PI4KA: variants seen among roughly 807,000 people sequenced by gnomAD.
PI4KA encodes PI4-kinase alpha.
Under a neutral mutation model 271.4 loss-of-function variants are expected in PI4KA, and 122 were observed. The ratio of observed to expected loss-of-function variants is 0.45; its 90% CI spans 0.39 to 0.52. PI4KA has a LOEUF of 0.52. Ranked by LOEUF, PI4KA falls within the 20% of genes least tolerant of loss-of-function variation. PI4KA has a pLI of 0.00. For missense variants in PI4KA, 1,969 were observed against 2,769.1 expected, an observed-to-expected ratio of 0.71 and a Z score of 6.48; for synonymous variants, 1,041 against 1,078.8, an observed-to-expected ratio of 0.96 and a Z score of 0.69.
intron 6 of PI4KA, among the ~76,000 whole-genome samples, chr22:20,819,124 T>C (rs1601564560): frequency 6.6e-6 from 1 of 152,358 alleles, no homozygotes; most frequent in East Asian, 1.9e-4. Context: ...AGCAGATGTT[T>C]AGGGCGAAAC....
Position 20,834,593 on chromosome 22 carries a change from C to T in PI4KA, c.336G>A (p.Trp112Ter). ...CTTTCCGAGCTGTGCTTTCTTCTAC[C>T]CAATACACTTTTGGAAGACCTTTGA... ...RLLKGLPKVY[W>*]VEESTARKGR... is the part of the protein sequence containing the mutation. Residue 112 changes from tryptophan to a stop codon, truncating the protein, a stop_gained, in exon 3 of 55, where the codon TGG becomes TGA. Transcript: ENST00000255882. LOFTEE classifies it high-confidence loss of function. The T allele has an allele frequency of 5.0e-6, 8 of 1,610,186 alleles. No individual in the cohort carries two copies. Among genetic ancestry groups the T allele is most frequent in the Non-Finnish European group, 6.8e-6 (8 of 1,176,540 alleles).
chr22:20,774,584 A>C (rs1601460629), intron 19 of PI4KA, among the ~76,000 whole-genome samples: 1 of 152,148 alleles, frequency 6.6e-6, no homozygotes. Context: ...AACATGGTGA[A>C]GCCAAGTCTC....
At chr22:20,784,132 G>C (rs766864591) in intron 19 of PI4KA, 4 of 1,614,172 alleles carry the variant, frequency 2.5e-6, no homozygotes, top group South Asian at 1.1e-5. Context: ...TGGAATACGT[G>C]GGGGGCATCA....
intron 42 of PI4KA, chr22:20,725,801 G>A (rs1215704572): frequency 6.9e-6 from 2 of 290,296 alleles, no homozygotes; most frequent in African/African-American, 2.2e-5. Flanking sequence ...GAGGGGTAGC[G>A]GGGAAGGTGC....
rs532050128 is a variant in PI4KA at position 20,858,678 on chromosome 22, GCCGCCTCCGCCT to G, written c.36_47del (p.Gly15_Gly18del). ...TGGAGCCGGAGCCGGAGCAGCCGCC[GCCGCCTCCGCCT>G]CCGCCTCCGCCTCCCCGGGCCGGGG... On this transcript the variant is annotated inframe_deletion, in exon 1 of 55. Transcript: ENST00000255882. The G allele has an allele frequency of 1.5e-4, 219 of 1,470,872 alleles. 1 individual carries two copies. Among genetic ancestry groups the G allele is most frequent in the East Asian group, 1.3e-3 (45 of 33,960 alleles). The allele number at this position is 1,470,872 out of a possible 1,614,324, so 91.1% of individuals were successfully genotyped here. A position where few individuals can be genotyped will look rare whatever the true frequency, so the allele number is the denominator to read the frequency against.
At chr22:20,807,215 A>T in intron 10 of PI4KA, 147 bp downstream of exon 10, 1 of 596,838 alleles carries the variant, frequency 1.7e-6, no homozygotes, top group Non-Finnish European at 3.0e-6. Context: ...TTTTTCCCAA[A>T]ATTTCAGTAA....
In PI4KA at chr22:20,753,309, T is replaced by C. The variant is rs370177811; in HGVS notation, c.2792-129A>G. 246 of 795,444 alleles carry C rather than the reference T, an allele frequency of 3.1e-4. 2 individuals carry two copies. The South Asian group carries it at 3.5e-3, about 11-fold the overall frequency. The allele number at this position is 795,444 out of a possible 1,614,324, so 49.3% of individuals were successfully genotyped here. ...GCAAAGACAGCACAGAGCTCCCATATACCCTTCACCTAGCTTCCCTGGATT... is the reference window on the plus strand; with the variant it reads ...GCAAAGACAGCACAGAGCTCCCATACACCCTTCACCTAGCTTCCCTGGATT... On this transcript the variant is annotated intron_variant, in intron 23 of 54. Coordinates refer to ENST00000255882, the MANE Select transcript of PI4KA (RefSeq NM_058004.4).
intron 23 of PI4KA, among the ~76,000 whole-genome samples, chr22:20,759,185 G>A (rs1931670331): frequency 6.6e-6 from 1 of 152,000 alleles, no homozygotes; most frequent in South Asian, 2.1e-4. Context: ...TAGCTAGGAC[G>A]ACAGGCATGT....
intron 10 of PI4KA, 139 bp from the exon 11 acceptor site, chr22:20,805,304 G>A (rs1601537506): frequency 6.6e-6 from 4 of 607,862 alleles, no homozygotes; most frequent in Non-Finnish European, 1.2e-5. Context: ...GTGGGTCCTA[G>A]AATGCCCACT....
At chr22:20,804,057 A>C (rs1935497035) in intron 12 of PI4KA, among the ~76,000 whole-genome samples, 1 of 152,208 alleles carries the variant, frequency 6.6e-6, no homozygotes, top group Non-Finnish European at 1.5e-5. Flanking sequence ...CCAGCCTCAC[A>C]ACAACGGAGA....
intron 44 of PI4KA, 41 bp from the exon 45 acceptor site, chr22:20,717,819 G>A (rs771237100): frequency 9.6e-6 from 14 of 1,462,848 alleles, no homozygotes; most frequent in African/African-American, 2.8e-5. Context: ...TCTCCTGGAG[G>A]AACTGGCTGC....
intron 30 of PI4KA, among the ~76,000 whole-genome samples, chr22:20,743,902 A>C (rs1255383964): frequency 1.3e-5 from 2 of 151,936 alleles, no homozygotes; most frequent in African/African-American, 2.4e-5. Flanking sequence ...AAAATACAAA[A>C]AATTAGCCGG....
At position 20,758,165 on chromosome 22, in the gene PI4KA, A is replaced by G. The variant is rs527582889; in HGVS notation, c.2791+3139T>C. 7.5e-4 allele frequency among the ~76,000 whole-genome samples: 114 copies of G among 151,912 alleles called. 3 individuals are homozygous for G. In the South Asian group the frequency reaches 0.023, roughly 30 times the overall value. Reference sequence around the variant, plus strand: ...CGGATCACGAGGTCAGGAGATCGAGACCATTCTGGCTAACACAGTGAAACC... The same window carrying G: ...CGGATCACGAGGTCAGGAGATCGAGGCCATTCTGGCTAACACAGTGAAACC... On this transcript the variant is annotated intron_variant, in intron 23 of 54. Coordinates refer to ENST00000255882, the MANE Select transcript of PI4KA (RefSeq NM_058004.4).
chr22:20,822,271 TCCCGGGCTCAAGTGATCCTCCTG>T (rs998987468), intron 4 of PI4KA, among the ~76,000 whole-genome samples: 5 of 152,252 alleles, frequency 3.3e-5, no homozygotes, highest in African/African-American at 1.2e-4. Flanking sequence ...AGTCTCAAAT[TCCCGGGCTCAAGTGATCCTCCTG>T]CCTCAGCCTC....
chr22:20,748,750 A>G (rs1930374993), intron 28 of PI4KA, among the ~76,000 whole-genome samples: 1 of 152,232 alleles, frequency 6.6e-6, no homozygotes, highest in Non-Finnish European at 1.5e-5. Context: ...CACTATGACG[A>G]TGAAGAGTGA....
intron 5 of PI4KA, 142 bp downstream of exon 5, chr22:20,820,397 A>C: frequency 3.2e-6 from 2 of 626,078 alleles, no homozygotes; most frequent in Non-Finnish European, 2.8e-6. Flanking sequence ...TGAGGATACT[A>C]ACACACAACA....
At chr22:20,796,012 A>C in intron 18 of PI4KA, 134 bp downstream of exon 18, 1 of 807,714 alleles carries the variant, frequency 1.2e-6, no homozygotes, top group Non-Finnish European at 1.9e-6. Flanking sequence ...ACCCCTTCTT[A>C]CTTGCATTCC....
rs1288761207 is a variant in PI4KA at position 20,824,388 on chromosome 22, T to C, written c.394A>G (p.Ser132Gly). 2 of 1,613,006 alleles carry C rather than the reference T, an allele frequency of 1.2e-6. No homozygotes were observed. Among genetic ancestry groups the C allele is most frequent in the Admixed American group, 3.3e-5 (2 of 59,824 alleles). ...GACAGCAGAGTTACCAAGCAGAAGCTGAAGCTCTCTGCAACCGGGAGGGCA... is the reference window on the plus strand; with the variant it reads ...GACAGCAGAGTTACCAAGCAGAAGCCGAAGCTCTCTGCAACCGGGAGGGCA... ...RGALPVAESF[S>G]FCLVTLLSDV... The change falls in exon 4 of 55, where the codon AGC becomes GGC. Residue 132 changes from serine to glycine, a missense_variant. This residue lies in a region of PI4KA where 540 missense variants were observed against 555.5 expected (regional missense o/e 0.97). Coordinates refer to ENST00000255882, the MANE Select transcript of PI4KA (RefSeq NM_058004.4).
intron 36 of PI4KA, among the ~76,000 whole-genome samples, chr22:20,732,093 A>G (rs1362677753): frequency 5.4e-5 from 8 of 147,056 alleles, no homozygotes; most frequent in Non-Finnish European, 3.0e-5. Context: ...AGAATGGCAC[A>G]TACCCGGGAG....
Sources: allele counts gnomAD v4.1 joint callset (sites outside exome capture counted in the v4.1 genomes callset), GRCh38; gene constraint gnomAD v4.1.1; regional missense constraint gnomAD v4.1.1; transcripts MANE v1.5; gene names NCBI Gene and HGNC (gene_info 2026-07-23, HGNC 2026-07-21).